DARS1: variants seen among roughly 807,000 people sequenced by gnomAD.
The protein encoded by DARS1 is aspartyl-tRNA synthetase 1.
Under a neutral mutation model 68.8 loss-of-function variants are expected in DARS1, and 51 were observed. That is an observed-to-expected ratio of 0.74 (90% CI 0.59 to 0.94). DARS1 has a LOEUF of 0.94. DARS1 is among the 40% of genes least tolerant of loss of function. The pLI is 0.00. For synonymous variants in DARS1, 203 were observed against 190.4 expected, an observed-to-expected ratio of 1.07 and a Z score of -0.55; for missense variants, 607 against 597.3, an observed-to-expected ratio of 1.02 and a Z score of -0.17.
At chr2:135,952,369 G>A (rs923370777) in intron 4 of DARS1, among the ~76,000 whole-genome samples, 2 of 152,020 alleles carry the variant, frequency 1.3e-5, no homozygotes, top group African/African-American at 4.8e-5. Context: ...TCAAATCAGA[G>A]CATTTGGCAT....
intron 4 of DARS1, among the ~76,000 whole-genome samples, chr2:135,946,084 G>C (rs1681713690): frequency 6.6e-6 from 1 of 152,232 alleles, no homozygotes; most frequent in East Asian, 1.9e-4. Flanking sequence ...TTGTGAAAAA[G>C]GGTCAGACTA....
chr2:135,938,979 C>T (rs1281054212), intron 5 of DARS1, among the ~76,000 whole-genome samples: 4 of 152,150 alleles, frequency 2.6e-5, no homozygotes, highest in African/African-American at 9.7e-5. Context: ...AATATATATG[C>T]ACCCAATACA....
chr2:135,950,030 C>T (rs1414233574), intron 4 of DARS1, among the ~76,000 whole-genome samples: 2 of 152,174 alleles, frequency 1.3e-5, no homozygotes, highest in South Asian at 2.1e-4. Flanking sequence ...GAAACCCCAG[C>T]TGGAACTATC....
Position 135,913,653 on chromosome 2 carries a change from G to T in DARS1, c.1149+816C>A, listed in dbSNP as rs560454895. Among the ~76,000 whole-genome samples the T allele has an allele frequency of 2.6e-5, 4 of 152,094 alleles. No homozygotes were observed. The East Asian group carries it at 7.7e-4, about 29-fold the overall frequency. On this transcript the variant is annotated intron_variant, in intron 12 of 15. Coordinates refer to ENST00000264161, the MANE Select transcript of DARS1 (RefSeq NM_001349.4). The stretch of plus-strand genomic sequence containing the variant: ...GGCGCCTGTAATCCCAGCTACTCGG[G>T]AGGCTGAGGCAGGAGAATCGCTTGA...
chr2:135,964,560 G>C (rs946764357), intron 3 of DARS1, among the ~76,000 whole-genome samples: 1 of 152,090 alleles, frequency 6.6e-6, no homozygotes, highest in African/African-American at 2.4e-5. Flanking sequence ...TGAAGTGAAG[G>C]CCAGTCATGT....
chr2:135,925,101 T>C (rs1272595148), intron 7 of DARS1, among the ~76,000 whole-genome samples: 1 of 151,934 alleles, frequency 6.6e-6, no homozygotes, highest in Admixed American at 6.6e-5. Flanking sequence ...TTGCCTGTTC[T>C]TTCTATTCTC....
At chr2:135,957,534 A>AT (rs1249354011) in intron 4 of DARS1, among the ~76,000 whole-genome samples, 6 of 151,892 alleles carry the variant, frequency 4.0e-5, no homozygotes, top group African/African-American at 9.7e-5. Context: ...TTTAAAAAAA[A>AT]TTTTTTTGGT....
rs1680776050 is a variant in DARS1 at position 135,906,178 on chromosome 2, G to C, written c.*1138C>G. Among the ~76,000 whole-genome samples, 1 of 152,108 alleles carries C rather than the reference G, an allele frequency of 6.6e-6. No individual in the cohort carries two copies. The highest frequency in any genetic ancestry group is 6.6e-5 in the Admixed American group (1 of 15,260). On this transcript the variant is annotated 3_prime_UTR_variant, in exon 16 of 16. Coordinates refer to ENST00000264161, the MANE Select transcript of DARS1 (RefSeq NM_001349.4). Reference sequence around the variant, plus strand: ...TCAAACATAATGGGCAGATGTTCGTGGTCCAGGGGTAACTTCCTAACTTTT... The same window carrying C: ...TCAAACATAATGGGCAGATGTTCGTCGTCCAGGGGTAACTTCCTAACTTTT...
At chr2:135,941,372 C>G (rs1032764482) in intron 5 of DARS1, among the ~76,000 whole-genome samples, 2 of 152,256 alleles carry the variant, frequency 1.3e-5, no homozygotes, top group Admixed American at 1.3e-4. Context: ...ACAACTATCT[C>G]ATATTTGACA....
intron 5 of DARS1, among the ~76,000 whole-genome samples, chr2:135,934,895 A>G (rs568347197): frequency 4.6e-5 from 7 of 151,136 alleles, no homozygotes; most frequent in Admixed American, 2.6e-4. Context: ...CCCGGGTTCA[A>G]GCGATTCTCC....
chr2:135,954,959 T>C (rs995811633), intron 4 of DARS1, among the ~76,000 whole-genome samples: 2 of 152,110 alleles, frequency 1.3e-5, no homozygotes, highest in Non-Finnish European at 2.9e-5. Flanking sequence ...TATTTCATTA[T>C]ACTAGATAGT....
intron 15 of DARS1, among the ~76,000 whole-genome samples, chr2:135,908,615 C>A (rs1301758270): frequency 6.6e-6 from 1 of 152,122 alleles, no homozygotes; most frequent in Non-Finnish European, 1.5e-5. Context: ...TTCTGACTGG[C>A]GTGAGATGGT....
At chr2:135,927,894 T>C (rs1461948037) in intron 7 of DARS1, among the ~76,000 whole-genome samples, 1 of 152,130 alleles carries the variant, frequency 6.6e-6, no homozygotes, top group Non-Finnish European at 1.5e-5. Flanking sequence ...ATGTGAAAGA[T>C]CTGAAATAAA....
At chr2:135,933,860 C>T (rs1681405990) in intron 6 of DARS1, 50 bp downstream of exon 6, 1 of 1,565,622 alleles carries the variant, frequency 6.4e-7, no homozygotes, top group Non-Finnish European at 8.7e-7. Context: ...CAATGTTTTG[C>T]AAACTAAATA....
At chr2:135,954,215 C>A (rs1291462150) in intron 4 of DARS1, among the ~76,000 whole-genome samples, 1 of 149,618 alleles carries the variant, frequency 6.7e-6, no homozygotes, top group Non-Finnish European at 1.5e-5. Context: ...CAGGATGACA[C>A]AGAGACTAGA....
At chr2:135,971,696 A>G (rs1017161557) in intron 3 of DARS1, among the ~76,000 whole-genome samples, 1 of 152,202 alleles carries the variant, frequency 6.6e-6, no homozygotes, top group Non-Finnish European at 1.5e-5. Context: ...AAAAACCTAA[A>G]GACTCCAGCA....
chr2:135,931,643 C>T (rs1433249493), intron 7 of DARS1, among the ~76,000 whole-genome samples: 1 of 152,082 alleles, frequency 6.6e-6, no homozygotes, highest in Non-Finnish European at 1.5e-5. Context: ...AGCATGTGAA[C>T]GCTTGCAAGG....
chr2:135,949,078 A>AAAAAT (rs1681786618), intron 4 of DARS1, among the ~76,000 whole-genome samples: 1 of 152,218 alleles, frequency 6.6e-6, no homozygotes, highest in East Asian at 1.9e-4. Context: ...TAATATAAAG[A>AAAAAT]AAAATAAAAT....
chr2:135,912,452 C>T (rs1680916313), intron 13 of DARS1, 34 bp downstream of exon 13: 1 of 770,290 alleles, frequency 1.3e-6, no homozygotes, highest in East Asian at 2.5e-5. Flanking sequence ...TCCCTTCTGC[C>T]TCAAAATGGG....
Sources: allele counts gnomAD v4.1 joint callset (sites outside exome capture counted in the v4.1 genomes callset), GRCh38; gene constraint gnomAD v4.1.1; transcripts MANE v1.5; gene names NCBI Gene and HGNC (gene_info 2026-07-23, HGNC 2026-07-21).